Variants in GRB10 observed in about 807,000 individuals in gnomAD.
GRB10 encodes growth factor receptor-bound protein 10.
Under a neutral mutation model 80.9 loss-of-function variants are expected in GRB10, and 20 were observed. The observed-to-expected ratio is 0.25, with a 90% CI of 0.17 to 0.36. The LOEUF (loss-of-function observed/expected upper bound fraction) is 0.36, where lower values mean the gene tolerates loss of function less well. Ranked by LOEUF, GRB10 falls within the 10% of genes least tolerant of loss-of-function variation. The pLI is 1.00. For synonymous variants in GRB10, 291 were observed against 291.5 expected (o/e 1.00, Z 0.02); for missense variants, 548 against 747.7 (o/e 0.73, Z 3.12).
At chr7:50,658,830 G>A (rs1212978338) in intron 7 of GRB10, among the ~76,000 whole-genome samples, 1 of 152,168 alleles carries the variant, frequency 6.6e-6, no homozygotes, top group African/African-American at 2.4e-5. Context: ...TCCAGGTCAC[G>A]ACTGCCTCGC....
At chr7:50,704,980 C>A (rs925653350) in intron 4 of GRB10, among the ~76,000 whole-genome samples, 1 of 152,198 alleles carries the variant, frequency 6.6e-6, no homozygotes, top group Non-Finnish European at 1.5e-5. Flanking sequence ...ACTCAAAAGG[C>A]ACATTGATTT....
At chr7:50,599,544 T>A (rs1398624029) in intron 17 of GRB10, among the ~76,000 whole-genome samples, 1 of 152,144 alleles carries the variant, frequency 6.6e-6, no homozygotes, top group South Asian at 2.1e-4. Context: ...TTTCTGTGTG[T>A]GGTTAGCGCT....
At chr7:50,704,889 T>C (rs10233559) in intron 4 of GRB10, among the ~76,000 whole-genome samples, 1 of 152,162 alleles carries the variant, frequency 6.6e-6, no homozygotes, top group African/African-American at 2.4e-5. Context: ...CATCACCCAG[T>C]GGGTCCCGGC....
chr7:50,614,696 G>A (rs1018802137), intron 12 of GRB10, 74 bp downstream of exon 12: 1 of 895,090 alleles, frequency 1.1e-6, no homozygotes. Context: ...ACAATCAAGT[G>A]CTGGGCAAGA....
intron 2 of GRB10, among the ~76,000 whole-genome samples, chr7:50,763,278 A>C (rs565513977): frequency 4.6e-5 from 7 of 152,376 alleles, no homozygotes; most frequent in African/African-American, 1.7e-4. Context: ...CAGACATGTG[A>C]AACATGCTAA....
chr7:50,732,026 T>C (rs2069841292), intron 4 of GRB10, among the ~76,000 whole-genome samples: 1 of 152,196 alleles, frequency 6.6e-6, no homozygotes, highest in South Asian at 2.1e-4. Flanking sequence ...CAAACTCTTT[T>C]AGAAAAGTAC....
chr7:50,670,526 G>A (rs952501515), intron 6 of GRB10, among the ~76,000 whole-genome samples: 7 of 129,756 alleles, frequency 5.4e-5, no homozygotes, highest in South Asian at 5.8e-4. Flanking sequence ...ATTAGGCATC[G>A]GGGGCGGGGG....
intron 2 of GRB10, among the ~76,000 whole-genome samples, chr7:50,770,863 A>G (rs1588030419): frequency 6.6e-6 from 1 of 152,302 alleles, no homozygotes; most frequent in South Asian, 2.1e-4. Flanking sequence ...TATTTTTTAA[A>G]TGCCTGTCAA....
chr7:50,684,724 G>T (rs1219182132), intron 5 of GRB10, among the ~76,000 whole-genome samples: 2 of 152,186 alleles, frequency 1.3e-5, no homozygotes, highest in African/African-American at 2.4e-5. Context: ...GACACTTCGG[G>T]AGTGACAGAG....
At chr7:50,780,506 C>T (rs2078170185) in intron 2 of GRB10, 121 bp downstream of exon 2, 1 of 152,190 alleles carries the variant, frequency 6.6e-6, no homozygotes, top group South Asian at 2.1e-4. Context: ...AACACCACAT[C>T]AGTTCTCAGA....
chr7:50,639,446 T>C (rs7796583), intron 7 of GRB10, among the ~76,000 whole-genome samples: 51,267 of 151,742 alleles, frequency 0.34, 8,796 homozygotes, highest in Middle Eastern at 0.51. Context: ...GAGGCCGAAG[T>C]GGGCGGATCA....
intron 4 of GRB10, chr7:50,727,245 G>C (rs1323697448): frequency 1.3e-5 from 2 of 152,174 alleles, no homozygotes; most frequent in Non-Finnish European, 2.9e-5. Context: ...AATGACATGG[G>C]ATGGGGGATT....
chr7:50,789,405 C>CAA (rs2078822380), intron 1 of GRB10, among the ~76,000 whole-genome samples: 1 of 152,210 alleles, frequency 6.6e-6, no homozygotes, highest in Non-Finnish European at 1.5e-5. Context: ...GCTACCTTCC[C>CAA]AACAAGCCGT....
At chr7:50,700,307 T>A (rs554120079) in intron 5 of GRB10, among the ~76,000 whole-genome samples, 17 of 152,358 alleles carry the variant, frequency 1.1e-4, no homozygotes, top group African/African-American at 4.1e-4. Flanking sequence ...ATTTTTGCAA[T>A]AAATCATCTA....
chr7:50,676,933 T>C (rs1212454895), intron 5 of GRB10, among the ~76,000 whole-genome samples: 1 of 151,976 alleles, frequency 6.6e-6, no homozygotes, highest in Non-Finnish European at 1.5e-5. Context: ...AGCGATGAGA[T>C]CACTGAGGCC....
chr7:50,682,450 T>C (rs957671324), intron 5 of GRB10, among the ~76,000 whole-genome samples: 3 of 152,224 alleles, frequency 2.0e-5, no homozygotes, highest in Non-Finnish European at 4.4e-5. Flanking sequence ...TTTGGTGTTT[T>C]TGGGTAAGTG....
intron 4 of GRB10, among the ~76,000 whole-genome samples, chr7:50,719,266 A>G (rs1335520256): frequency 1.3e-5 from 2 of 152,240 alleles, no homozygotes. Flanking sequence ...AGGAAGGGCC[A>G]GGCCCACAGG....
At chr7:50,769,690 C>G (rs1042983315) in intron 2 of GRB10, among the ~76,000 whole-genome samples, 2 of 152,094 alleles carry the variant, frequency 1.3e-5, no homozygotes, top group Non-Finnish European at 2.9e-5. Context: ...ACAGCCACAT[C>G]TGTGTGTGTA....
chr7:50,777,611 C>T (rs1247309033), intron 2 of GRB10, among the ~76,000 whole-genome samples: 1 of 151,786 alleles, frequency 6.6e-6, no homozygotes, highest in African/African-American at 2.4e-5. Context: ...AAGATACATG[C>T]ACACCTATGT....
Sources: allele counts gnomAD v4.1 joint callset (sites outside exome capture counted in the v4.1 genomes callset), GRCh38; gene constraint gnomAD v4.1.1; transcripts MANE v1.5; gene names NCBI Gene and HGNC (gene_info 2026-07-23, HGNC 2026-07-21).